The following NFIA variants were observed in gnomAD, a reference collection of about 807,000 sequenced individuals.
NFIA encodes nuclear factor I A, also known as nuclear factor 1 A-type.
In NFIA, 8 loss-of-function variants were observed where a neutral mutation model predicts 62.8. The ratio of observed to expected loss-of-function variants is 0.13; its 90% confidence interval spans 0.07 to 0.23. The LOEUF is 0.23. Ranked by LOEUF, NFIA falls within the 10% of genes least tolerant of loss-of-function variation. NFIA has a pLI of 1.00. For missense variants in NFIA, 410 were observed against 642.1 expected (o/e 0.64, Z 3.91); for synonymous variants, 235 against 238.1 (o/e 0.99, Z 0.12).
At chr1:61,225,383 TG>T (rs1473050329) in intron 2 of NFIA, among the ~76,000 whole-genome samples, 19 of 152,120 alleles carry the variant, frequency 1.2e-4, no homozygotes, top group African/African-American at 4.1e-4. Flanking sequence ...CCTGAGTAGC[TG>T]GGACTACAGG....
intron 3 of NFIA, among the ~76,000 whole-genome samples, chr1:61,281,672 G>A (rs1658143124): frequency 6.6e-6 from 1 of 152,172 alleles, no homozygotes; most frequent in South Asian, 2.1e-4. Flanking sequence ...TTCAGAATGA[G>A]TGCTCAAGAA....
intron 10 of NFIA, among the ~76,000 whole-genome samples, chr1:61,435,725 A>G (rs933712152): frequency 6.6e-6 from 1 of 152,214 alleles, no homozygotes; most frequent in African/African-American, 2.4e-5. Context: ...GGCTCAAATC[A>G]TGACCGTCAC....
intron 2 of NFIA, among the ~76,000 whole-genome samples, chr1:61,190,671 T>TA (rs1651554757): frequency 6.6e-6 from 1 of 152,194 alleles, no homozygotes; most frequent in Non-Finnish European, 1.5e-5. Flanking sequence ...CAAACAAATT[T>TA]TATGACCTGT....
At chr1:61,308,001 G>C (rs1025432314) in intron 3 of NFIA, among the ~76,000 whole-genome samples, 1 of 152,180 alleles carries the variant, frequency 6.6e-6, no homozygotes, top group African/African-American at 2.4e-5. Flanking sequence ...CTGTGAAAAT[G>C]GGTAGTAGAA....
At chr1:61,325,932 CAAAAAA>C (rs36122626) in intron 3 of NFIA, among the ~76,000 whole-genome samples, 2 of 87,896 alleles carry the variant, frequency 2.3e-5, no homozygotes, top group Non-Finnish European at 4.1e-5. Context: ...GACTCTGTCT[CAAAAAA>C]AAAAAAAAAA....
intron 10 of NFIA, among the ~76,000 whole-genome samples, chr1:61,432,210 C>CTTT (rs1667125168): frequency 1.6e-5 from 2 of 128,446 alleles, no homozygotes; most frequent in Non-Finnish European, 3.1e-5. Flanking sequence ...TTCTTGTACA[C>CTTT]TTTTCCCTAT....
At chr1:61,264,746 CAATTT>C (rs1285350267) in intron 2 of NFIA, among the ~76,000 whole-genome samples, 2 of 147,428 alleles carry the variant, frequency 1.4e-5, no homozygotes, top group Non-Finnish European at 3.0e-5. Flanking sequence ...TATACGAAGA[CAATTT>C]AATTTTGGGA....
Position 61,379,008 on chromosome 1 carries a change from C to A in NFIA, c.947-4229C>A, listed in dbSNP as rs147621442. ...GCCCTCCAGGGATAATATATTTTTC[C>A]TTAACTCAAACTCACCTGATTGGGG... is the stretch of plus-strand genomic sequence containing the variant. On this transcript the variant is annotated intron_variant, in intron 6 of 10. Coordinates refer to ENST00000403491, the MANE Select transcript of NFIA (RefSeq NM_001134673.4). Among the ~76,000 whole-genome samples the A allele has an allele frequency of 3.3e-5, 5 of 152,302 alleles. No individual in the cohort carries two copies. The East Asian group carries it at 9.6e-4, about 29-fold the overall frequency.
At chr1:61,326,262 C>T (rs1660929040) in intron 3 of NFIA, among the ~76,000 whole-genome samples, 1 of 152,118 alleles carries the variant, frequency 6.6e-6, no homozygotes, top group East Asian at 1.9e-4. Flanking sequence ...ATAAGACAAT[C>T]CCCAGGCATT....
intron 10 of NFIA, among the ~76,000 whole-genome samples, chr1:61,442,584 A>G (rs1667633234): frequency 6.6e-6 from 1 of 152,170 alleles, no homozygotes; most frequent in Non-Finnish European, 1.5e-5. Context: ...AAAAAAAGTA[A>G]CATTAGCAGT....
chr1:61,134,744 C>T (rs564063747), intron 2 of NFIA, among the ~76,000 whole-genome samples: 1 of 152,262 alleles, frequency 6.6e-6, no homozygotes, highest in Admixed American at 6.5e-5. Context: ...AATCCCAGCA[C>T]ATCGAAAGGC....
chr1:61,166,996 C>A (rs1298747939), intron 2 of NFIA, among the ~76,000 whole-genome samples: 1 of 152,080 alleles, frequency 6.6e-6, no homozygotes, highest in Non-Finnish European at 1.5e-5. Flanking sequence ...AAAAAATTAG[C>A]CGGGCGAGGT....
chr1:61,347,319 G>A (rs867982853), intron 4 of NFIA, among the ~76,000 whole-genome samples: 12 of 151,632 alleles, frequency 7.9e-5, no homozygotes, highest in African/African-American at 2.4e-4. Flanking sequence ...GACTACAGGC[G>A]CCCACCACCA....
At chr1:61,336,623 A>G (rs1199174228) in intron 4 of NFIA, among the ~76,000 whole-genome samples, 8 of 152,202 alleles carry the variant, frequency 5.3e-5, no homozygotes, top group Admixed American at 4.6e-4. Flanking sequence ...ATGGTATCAT[A>G]TGGAATAGTT....
intron 3 of NFIA, among the ~76,000 whole-genome samples, chr1:61,304,664 C>A (rs1659660985): frequency 3.7e-5 from 2 of 53,390 alleles, no homozygotes. Flanking sequence ...GATCTAAGAT[C>A]TGATTTTTTT....
intron 9 of NFIA, 46 bp downstream of exon 9, chr1:61,406,773 G>A (rs1665858213): frequency 6.6e-7 from 1 of 1,517,952 alleles, no homozygotes; most frequent in East Asian, 2.5e-5. Flanking sequence ...AAAGCTGTAT[G>A]CACTGGAATC....
At chr1:61,103,968 T>A (rs1404815332) in intron 2 of NFIA, among the ~76,000 whole-genome samples, 1 of 152,150 alleles carries the variant, frequency 6.6e-6, no homozygotes, top group Non-Finnish European at 1.5e-5. Flanking sequence ...TGGTCTTGAC[T>A]TTTATTTGAG....
intron 2 of NFIA, among the ~76,000 whole-genome samples, chr1:61,203,233 T>C (rs954388838): frequency 8.6e-5 from 13 of 152,034 alleles, no homozygotes; most frequent in Non-Finnish European, 1.9e-4. Flanking sequence ...AATGAAGGAG[T>C]GTAAGCAGTG....
chr1:61,389,240 C>A (rs945652877), intron 7 of NFIA, among the ~76,000 whole-genome samples: 1 of 152,158 alleles, frequency 6.6e-6, no homozygotes, highest in African/African-American at 2.4e-5. Context: ...ACAGCATGGG[C>A]GCTGCCCCCT....
Sources: gnomAD v4.1 joint callset for allele counts (sites outside exome capture counted in the v4.1 genomes callset) on GRCh38, gnomAD v4.1.1 for gene constraint, MANE v1.5 for transcripts, NCBI Gene and HGNC (gene_info 2026-07-23, HGNC 2026-07-21) for gene names.